The following SUGCT variants were observed in gnomAD, a reference collection of about 807,000 sequenced individuals.
The protein encoded by SUGCT is succinyl-CoA:glutarate-CoA transferase.
SUGCT carries 41 observed loss-of-function variants against 55.0 expected under a neutral mutation model. The ratio of observed to expected loss-of-function variants is 0.74; its 90% CI spans 0.58 to 0.97. SUGCT has a LOEUF of 0.97. Among genes scored for constraint, SUGCT ranks in the 50% least tolerant of loss-of-function variants. SUGCT has a pLI of 0.00. For missense variants in SUGCT, 568 were observed against 547.8 expected (o/e 1.04, Z -0.37); for synonymous variants, 187 against 200.4 (o/e 0.93, Z 0.56).
chr7:40,517,724 T>C (rs1460649543), intron 12 of SUGCT, among the ~76,000 whole-genome samples: 3 of 152,138 alleles, frequency 2.0e-5, no homozygotes, highest in Non-Finnish European at 4.4e-5. Flanking sequence ...GGATGATTTA[T>C]AGAAGTGTTA....
At chr7:40,640,631 AG>A (rs1407677501) in intron 12 of SUGCT, among the ~76,000 whole-genome samples, 1 of 152,218 alleles carries the variant, frequency 6.6e-6, no homozygotes, top group African/African-American at 2.4e-5. Context: ...TACCTTAAAC[AG>A]TGGTTTCACA....
Position 40,575,122 on chromosome 7 carries a change from G to T in SUGCT, c.1089+78736G>T, listed in dbSNP as rs562886122. On this transcript the variant is annotated intron_variant, in intron 12 of 13. Coordinates refer to ENST00000335693, the MANE Select transcript of SUGCT (RefSeq NM_001193313.2). ...AGGATGGTGGGCAGGAGGGTGGCGGGGGTGGGGGTGGAGATGGGTGAAGTT... is the reference window on the plus strand; with the variant it reads ...AGGATGGTGGGCAGGAGGGTGGCGGTGGTGGGGGTGGAGATGGGTGAAGTT... Among the ~76,000 whole-genome samples, 143 of 149,598 alleles carry T rather than the reference G, an allele frequency of 9.6e-4. 4 individuals carry two copies. Among genetic ancestry groups the T allele is most frequent in the African/African-American group, 3.4e-3 (133 of 39,542 alleles).
chr7:40,572,809 A>T (rs1796524192), intron 12 of SUGCT, among the ~76,000 whole-genome samples: 1 of 152,082 alleles, frequency 6.6e-6, no homozygotes, highest in Non-Finnish European at 1.5e-5. Flanking sequence ...TCCGATAAAA[A>T]CTTGGGCCTA....
chr7:40,397,833 A>G (rs1562746702), intron 9 of SUGCT, among the ~76,000 whole-genome samples: 1 of 152,186 alleles, frequency 6.6e-6, no homozygotes, highest in African/African-American at 2.4e-5. Flanking sequence ...TTGATGGTCC[A>G]TTCCATATCC....
chr7:40,532,526 CTGTGTGTGTGTG>C (rs3048827), intron 12 of SUGCT, among the ~76,000 whole-genome samples: 101 of 134,162 alleles, frequency 7.5e-4, no homozygotes, highest in Middle Eastern at 8.2e-3. Context: ...GCAAGTATGT[CTGTGTGTGTGTG>C]TGTGTGTGTG....
chr7:40,247,156 A>G (rs1338124926), intron 7 of SUGCT, among the ~76,000 whole-genome samples: 2 of 152,166 alleles, frequency 1.3e-5, no homozygotes, highest in Non-Finnish European at 2.9e-5. Context: ...GTAGATGTAT[A>G]TTTAGCTTTA....
At chr7:40,640,348 G>A (rs970818265) in intron 12 of SUGCT, among the ~76,000 whole-genome samples, 2 of 152,066 alleles carry the variant, frequency 1.3e-5, no homozygotes, top group African/African-American at 4.8e-5. Flanking sequence ...ATTTTGTATT[G>A]TACTTTATTG....
chr7:40,361,044 T>A (rs1583507391), intron 9 of SUGCT, among the ~76,000 whole-genome samples: 1 of 152,108 alleles, frequency 6.6e-6, no homozygotes, highest in East Asian at 1.9e-4. Flanking sequence ...AAGGAGTAGA[T>A]GATGATTCTT....
chr7:40,753,108 A>G (rs1198681394), intron 13 of SUGCT, among the ~76,000 whole-genome samples: 1 of 152,192 alleles, frequency 6.6e-6, no homozygotes, highest in African/African-American at 2.4e-5. Context: ...GTATCTCCTA[A>G]TTCAGTATAT....
chr7:40,514,835 G>A (rs951375619), intron 12 of SUGCT, among the ~76,000 whole-genome samples: 1 of 151,850 alleles, frequency 6.6e-6, no homozygotes, highest in Non-Finnish European at 1.5e-5. Flanking sequence ...GGAACTCATG[G>A]AGAGCCAAAT....
chr7:40,714,383 C>G (rs1275831445), intron 12 of SUGCT, among the ~76,000 whole-genome samples: 1 of 152,010 alleles, frequency 6.6e-6, no homozygotes, highest in Non-Finnish European at 1.5e-5. Flanking sequence ...AGGAACATAA[C>G]TACTCATCCC....
rs551211828 is a variant in SUGCT, at chr7:40,573,485, G to T, written c.1089+77099G>T. 3.3e-5 allele frequency among the ~76,000 whole-genome samples: 5 copies of T among 151,650 alleles called. No individual in the cohort carries two copies. The South Asian group carries it at 8.4e-4, about 25-fold the overall frequency. On this transcript the variant is annotated intron_variant, in intron 12 of 13. Coordinates refer to ENST00000335693, the MANE Select transcript of SUGCT (RefSeq NM_001193313.2). ...AGTCTATTTTTCCCCTAAGTAATAA[G>T]CTGTAACACACATACGCTCATGCAC...
chr7:40,453,094 GA>G (rs1296472745), intron 10 of SUGCT, among the ~76,000 whole-genome samples: 1 of 152,158 alleles, frequency 6.6e-6, no homozygotes, highest in Non-Finnish European at 1.5e-5. Flanking sequence ...CAAAGAACAT[GA>G]AAAAGTGAGC....
At chr7:40,161,391 C>G (rs1784139781) in intron 1 of SUGCT, among the ~76,000 whole-genome samples, 1 of 152,070 alleles carries the variant, frequency 6.6e-6, no homozygotes, top group Non-Finnish European at 1.5e-5. Flanking sequence ...TGTCAAGAGG[C>G]TCTTTGTATT....
At chr7:40,520,535 T>C (rs1793475267) in intron 12 of SUGCT, among the ~76,000 whole-genome samples, 1 of 152,138 alleles carries the variant, frequency 6.6e-6, no homozygotes, top group African/African-American at 2.4e-5. Flanking sequence ...TAAGCGAAAC[T>C]TCTACCTTCA....
the SUGCT span, among the ~76,000 whole-genome samples, chr7:40,984,945 T>C: frequency 5.3e-5 from 8 of 152,212 alleles, no homozygotes; most frequent in African/African-American, 1.9e-4. Context: ...GGTGATATGC[T>C]AATCAACCTT....
At chr7:40,901,059 CT>C in the SUGCT span, among the ~76,000 whole-genome samples, 1 of 152,122 alleles carries the variant, frequency 6.6e-6, no homozygotes, top group Non-Finnish European at 1.5e-5. Flanking sequence ...CAACTGTTAG[CT>C]GATTGTTTTA....
chr7:40,565,993 GCACACACACA>G (rs376444246), intron 12 of SUGCT, among the ~76,000 whole-genome samples: 3 of 123,948 alleles, frequency 2.4e-5, no homozygotes, highest in African/African-American at 8.2e-5. Flanking sequence ...ACACACACAC[GCACACACACA>G]CACACACACA....
intron 11 of SUGCT, among the ~76,000 whole-genome samples, chr7:40,495,603 G>A (rs1002877873): frequency 6.6e-6 from 1 of 152,148 alleles, no homozygotes; most frequent in African/African-American, 2.4e-5. Flanking sequence ...TCATAAATGT[G>A]TTAGCTTCCC....
Sources: gnomAD v4.1 joint callset for allele counts (sites outside exome capture counted in the v4.1 genomes callset) on GRCh38, gnomAD v4.1.1 for gene constraint, MANE v1.5 for transcripts, NCBI Gene and HGNC (gene_info 2026-07-23, HGNC 2026-07-21) for gene names.